LRRFIP1: variants seen among roughly 807,000 people sequenced by gnomAD.
The protein encoded by LRRFIP1 is LRR binding FLII interacting protein 1.
A neutral mutation model predicts 104.4 loss-of-function variants in LRRFIP1; 62 were observed. The observed-to-expected ratio is 0.59, with a 90% confidence interval of 0.48 to 0.73. The LOEUF (loss-of-function observed/expected upper bound fraction) is 0.73. Ranked by LOEUF, LRRFIP1 falls within the 30% of genes least tolerant of loss-of-function variation. The pLI is 0.00. For synonymous variants in LRRFIP1, 300 were observed against 299.0 expected (o/e 1.00, Z -0.03); for missense variants, 796 against 824.5 (o/e 0.97, Z 0.42).
intron 11 of LRRFIP1, among the ~76,000 whole-genome samples, chr2:237,747,749 A>T (rs559137601): frequency 6.6e-6 from 1 of 152,120 alleles, no homozygotes; most frequent in Non-Finnish European, 1.5e-5. Flanking sequence ...TGGGGAAAAC[A>T]TGATTAGTTG....
At position 237,721,702 on chromosome 2, in the gene LRRFIP1, G is replaced by C. The variant is rs932389370; in HGVS notation, c.345+880G>C. The C allele has an allele frequency of 2.6e-5, 4 of 152,218 alleles. No individual in the cohort carries two copies. The East Asian group carries it at 5.8e-4, about 22-fold the overall frequency. 9.4% of individuals were successfully genotyped at this position (152,218 alleles called of 1,614,324 possible). On this transcript the variant is annotated intron_variant, in intron 6 of 23. Coordinates refer to ENST00000308482, the MANE Select transcript of LRRFIP1 (RefSeq NM_001137550.2). ...GACTTCTTATACATGCACTGAGTGT[G>C]CATGTAATTTGGCCCTTCCCAATGA...
intron 1 of LRRFIP1, among the ~76,000 whole-genome samples, chr2:237,638,346 T>A (rs1559444744): frequency 6.6e-6 from 1 of 152,178 alleles, no homozygotes; most frequent in Non-Finnish European, 1.5e-5. Context: ...CTGCTGCTCA[T>A]CTGACAAGAG....
chr2:237,669,445 T>C (rs74001237), intron 1 of LRRFIP1, among the ~76,000 whole-genome samples: 5,807 of 152,322 alleles, frequency 0.038, 360 homozygotes, highest in African/African-American at 0.13. Context: ...CTTTTTCAAA[T>C]CGTCAAAACG....
At chr2:237,728,844 G>A (rs1323456485) in intron 8 of LRRFIP1, among the ~76,000 whole-genome samples, 3 of 152,090 alleles carry the variant, frequency 2.0e-5, no homozygotes, top group African/African-American at 4.8e-5. Flanking sequence ...GACCAAAGCC[G>A]TCTTTAGCTT....
intron 1 of LRRFIP1, among the ~76,000 whole-genome samples, chr2:237,699,957 T>C: frequency 6.6e-6 from 1 of 152,202 alleles, no homozygotes; most frequent in East Asian, 1.9e-4. Flanking sequence ...ATTGCCCACA[T>C]GAGCATTTCT....
chr2:237,687,464 C>T lies in LRRFIP1; in HGVS notation c.97-21080C>T, dbSNP rs189041150. Among the ~76,000 whole-genome samples, 191 of 151,886 alleles carry T rather than the reference C, an allele frequency of 1.3e-3. 4 individuals are homozygous for T. The highest frequency in any genetic ancestry group is 4.3e-3 in the African/African-American group (178 of 41,418). On this transcript the variant is annotated intron_variant, in intron 1 of 23. Transcript: ENST00000308482. Reference sequence around the variant, plus strand: ...TACTAAAAATACAAAACTAGCTGGGCGTGGTGGCGCACACCTGTAATCCCA... The same window carrying T: ...TACTAAAAATACAAAACTAGCTGGGTGTGGTGGCGCACACCTGTAATCCCA...
At chr2:237,687,487 C>G (rs1423369575) in intron 1 of LRRFIP1, among the ~76,000 whole-genome samples, 8 of 151,698 alleles carry the variant, frequency 5.3e-5, no homozygotes, top group African/African-American at 1.7e-4. Flanking sequence ...ACCTGTAATC[C>G]CAGCTACTCA....
rs758427949 is a variant in LRRFIP1, at chr2:237,753,384, A to G, written c.943A>G (p.Asn315Asp). Residue 315 changes from asparagine to aspartate, a missense_variant, in exon 15 of 24, where the codon AAC becomes GAC. By Grantham distance (23) the Asn-to-Asp change is conservative (BLOSUM62 1). Transcript: ENST00000308482. ...TGCTCAGCTAGACAATGAAAAGACA[A>G]ACTTCATGTACCAGGTTGATACCCT... The part of the protein sequence containing the change: ...SNAQLDNEKT[N>D]FMYQVDTLKD... The G allele has an allele frequency of 6.2e-7, 1 of 1,606,146 alleles. No individual in the cohort carries two copies. Among genetic ancestry groups the G allele is most frequent in the Admixed American group, 1.7e-5 (1 of 57,234 alleles).
At chr2:237,679,757 C>T (rs958403483) in intron 1 of LRRFIP1, among the ~76,000 whole-genome samples, 175 of 152,212 alleles carry the variant, frequency 1.1e-3, no homozygotes, top group African/African-American at 3.8e-3. Context: ...TGCAGGTATG[C>T]ACCACCACGC....
intron 18 of LRRFIP1, 88 bp downstream of exon 18, chr2:237,758,909 T>C (rs2279639): frequency 0.039 from 30,971 of 785,206 alleles, 728 homozygotes; most frequent in Middle Eastern, 0.067. Flanking sequence ...TGAATATGTG[T>C]GTACATAATT....
intron 11 of LRRFIP1, among the ~76,000 whole-genome samples, chr2:237,742,311 G>A (rs1191462172): frequency 2.0e-5 from 3 of 152,186 alleles, no homozygotes; most frequent in Admixed American, 2.0e-4. Flanking sequence ...TTGCGGGCTG[G>A]TTGGCACGCT....
chr2:237,696,274 G>C (rs1377499822), intron 1 of LRRFIP1, among the ~76,000 whole-genome samples: 1 of 152,150 alleles, frequency 6.6e-6, no homozygotes, highest in East Asian at 1.9e-4. Flanking sequence ...CTTTTTTACT[G>C]TATGTGGCAC....
intron 1 of LRRFIP1, among the ~76,000 whole-genome samples, chr2:237,653,401 G>A (rs1043919976): frequency 6.6e-6 from 1 of 152,194 alleles, no homozygotes; most frequent in Non-Finnish European, 1.5e-5. Context: ...TCATGGACTG[G>A]AAGAATTAAT....
intron 1 of LRRFIP1, among the ~76,000 whole-genome samples, chr2:237,628,171 C>T (rs1339266861): frequency 9.2e-5 from 14 of 152,170 alleles, no homozygotes; most frequent in Non-Finnish European, 1.9e-4. Context: ...CCGGAGGCCA[C>T]ATGGCCCTGC....
At chr2:237,650,974 C>T (rs1007768160) in intron 1 of LRRFIP1, among the ~76,000 whole-genome samples, 12 of 152,110 alleles carry the variant, frequency 7.9e-5, no homozygotes, top group Admixed American at 1.3e-4. Flanking sequence ...AAATGCGTAT[C>T]GGGTCACTCT....
At chr2:237,758,582 T>G (rs1185488248) in intron 17 of LRRFIP1, 147 bp from the exon 18 acceptor site, 2 of 576,486 alleles carry the variant, frequency 3.5e-6, no homozygotes, top group Non-Finnish European at 6.1e-6. Context: ...ACTTGGATTT[T>G]GTTAGTATCT....
chr2:237,712,656 T>C lies in LRRFIP1; in HGVS notation c.184-1603T>C, dbSNP rs145450893. 2.8e-3 allele frequency among the ~76,000 whole-genome samples: 433 copies of C among 152,194 alleles called. 9 individuals carry two copies. In the East Asian group the frequency reaches 0.047, roughly 16 times the overall value. On this transcript the variant is annotated intron_variant, in intron 2 of 23. Transcript: ENST00000308482. ...GTGTGCGTGTGCATGTGTGTGTGCA[T>C]GTGTGTGCATGTGCGCTCACACACG...
intron 1 of LRRFIP1, among the ~76,000 whole-genome samples, chr2:237,664,709 T>A (rs1389004779): frequency 1.3e-5 from 2 of 152,220 alleles, no homozygotes; most frequent in Non-Finnish European, 2.9e-5. Context: ...AGTGTTCTCT[T>A]CCCACAGCTG....
Position 237,666,779 on chromosome 2 carries a change from G to GTCTCCTTCTT in LRRFIP1, c.96+39043_96+39044insCTTCTTTCTC. Among the ~76,000 whole-genome samples, 3 of 144,874 alleles carry GTCTCCTTCTT rather than the reference G, an allele frequency of 2.1e-5. No homozygotes were observed. In the South Asian group the frequency reaches 6.5e-4, roughly 31 times the overall value. On this transcript the variant is annotated intron_variant, in intron 1 of 23. Coordinates refer to ENST00000308482, the MANE Select transcript of LRRFIP1 (RefSeq NM_001137550.2). ...TCTCTTTCTTTCTCTCTTTCTCTCTGTCTCTTTCTTTCTCTTTCTCTTTCT... is the reference window on the plus strand; with the variant it reads ...TCTCTTTCTTTCTCTCTTTCTCTCTGTCTCCTTCTTTCTCTTTCTTTCTCTTTCTCTTTCT...
Sources: allele counts gnomAD v4.1 joint callset (sites outside exome capture counted in the v4.1 genomes callset), GRCh38; gene constraint gnomAD v4.1.1; transcripts MANE v1.5; gene names NCBI Gene and HGNC (gene_info 2026-07-23, HGNC 2026-07-21).